The following SDCCAG8 variants were observed in gnomAD, a reference collection of about 807,000 sequenced individuals.
SDCCAG8 encodes serologically defined colon cancer antigen 8.
SDCCAG8 carries 74 observed loss-of-function variants against 101.8 expected under a neutral mutation model. That is an observed-to-expected ratio of 0.73 (90% CI 0.60 to 0.88). The LOEUF (loss-of-function observed/expected upper bound fraction) is 0.88, where lower values mean the gene tolerates loss of function less well. SDCCAG8 is among the 40% of genes least tolerant of loss of function. The pLI, the probability that SDCCAG8 is intolerant of heterozygous loss-of-function variation, is 0.00. For missense variants in SDCCAG8, 787 were observed against 822.6 expected, an observed-to-expected ratio of 0.96 and a Z score of 0.53; for synonymous variants, 281 against 292.9, an observed-to-expected ratio of 0.96 and a Z score of 0.41.
At chr1:243,327,154 T>C (rs753576520) in intron 9 of SDCCAG8, among the ~76,000 whole-genome samples, 96 of 152,162 alleles carry the variant, frequency 6.3e-4, no homozygotes, top group Non-Finnish European at 1.2e-3. Flanking sequence ...AGCCAGGACT[T>C]GGGAACTACT....
intron 5 of SDCCAG8, among the ~76,000 whole-genome samples, chr1:243,290,030 C>A (rs1038187852): frequency 1.3e-5 from 2 of 152,022 alleles, no homozygotes; most frequent in Non-Finnish European, 2.9e-5. Flanking sequence ...AATATTTCCT[C>A]ATGGAAAGCT....
intron 16 of SDCCAG8, among the ~76,000 whole-genome samples, chr1:243,430,539 G>A (rs1208929893): frequency 6.6e-6 from 1 of 152,030 alleles, no homozygotes; most frequent in Non-Finnish European, 1.5e-5. Context: ...CCGCCTCCCA[G>A]GTCCACGCAG....
chr1:243,426,676 G>A (rs1257314645), intron 16 of SDCCAG8, 118 bp downstream of exon 16: 1 of 1,227,282 alleles, frequency 8.1e-7, no homozygotes, highest in East Asian at 2.4e-5. Context: ...CTTGTGACAT[G>A]CTCAAAATCT....
At chr1:243,470,545 C>G (rs533298419) in intron 16 of SDCCAG8, among the ~76,000 whole-genome samples, 1 of 151,278 alleles carries the variant, frequency 6.6e-6, no homozygotes, top group South Asian at 2.1e-4. Context: ...GGAAGCAGCC[C>G]GTGCACTCAC....
chr1:243,317,821 A>G (rs1221173571), intron 9 of SDCCAG8, among the ~76,000 whole-genome samples: 4 of 152,240 alleles, frequency 2.6e-5, no homozygotes, highest in Non-Finnish European at 5.9e-5. Flanking sequence ...CTAGCATACA[A>G]TTCAAGTTCT....
At chr1:243,480,714 T>C (rs1663490794) in intron 16 of SDCCAG8, among the ~76,000 whole-genome samples, 1 of 90,320 alleles carries the variant, frequency 1.1e-5, no homozygotes, top group African/African-American at 4.5e-5. Flanking sequence ...GATGGATGGA[T>C]GGATGGGTGG....
At chr1:243,398,325 G>C (rs760242734) in intron 13 of SDCCAG8, among the ~76,000 whole-genome samples, 20 of 151,992 alleles carry the variant, frequency 1.3e-4, no homozygotes, top group Non-Finnish European at 2.4e-4. Context: ...AGAAGATGTT[G>C]ATTTACTCCT....
At chr1:243,483,014 C>T (rs934777860) in intron 16 of SDCCAG8, among the ~76,000 whole-genome samples, 9 of 152,164 alleles carry the variant, frequency 5.9e-5, no homozygotes, top group African/African-American at 2.2e-4. Context: ...ACCCCCTCGC[C>T]CCGTTCATGA....
intron 1 of SDCCAG8, among the ~76,000 whole-genome samples, chr1:243,257,792 A>G (rs973720732): frequency 6.6e-5 from 10 of 152,190 alleles, no homozygotes; most frequent in Non-Finnish European, 1.3e-4. Context: ...CAAAATAAGC[A>G]CTTCTAACTT....
intron 5 of SDCCAG8, among the ~76,000 whole-genome samples, chr1:243,291,159 A>G (rs1310777663): frequency 6.6e-6 from 1 of 152,204 alleles, no homozygotes; most frequent in Non-Finnish European, 1.5e-5. Context: ...GACTACTACC[A>G]TATCCTTTGG....
At chr1:243,438,183 G>T (rs2082276180) in intron 16 of SDCCAG8, among the ~76,000 whole-genome samples, 1 of 152,190 alleles carries the variant, frequency 6.6e-6, no homozygotes, top group Admixed American at 6.5e-5. Context: ...GGGGAGGAAG[G>T]CTGTGGAAAA....
chr1:243,338,033 G>A (rs1461869175), intron 10 of SDCCAG8, among the ~76,000 whole-genome samples: 2 of 151,972 alleles, frequency 1.3e-5, no homozygotes. Flanking sequence ...CAATCCCCCT[G>A]CCTCAGCCTC....
intron 13 of SDCCAG8, among the ~76,000 whole-genome samples, chr1:243,387,590 G>A (rs998315841): frequency 6.6e-6 from 1 of 152,188 alleles, no homozygotes; most frequent in Non-Finnish European, 1.5e-5. Context: ...TTTTGAAAGT[G>A]AGAAAAGGGT....
intron 17 of SDCCAG8, among the ~76,000 whole-genome samples, chr1:243,495,696 C>T (rs1667668577): frequency 6.6e-6 from 1 of 152,164 alleles, no homozygotes; most frequent in South Asian, 2.1e-4. Flanking sequence ...TCCCTTCTGA[C>T]AGGTGGGCGG....
intron 13 of SDCCAG8, among the ~76,000 whole-genome samples, chr1:243,414,241 T>C (rs934723243): frequency 1.3e-5 from 2 of 152,152 alleles, no homozygotes; most frequent in African/African-American, 4.8e-5. Context: ...TATGTATACA[T>C]CTTACAGGGG....
intron 10 of SDCCAG8, among the ~76,000 whole-genome samples, chr1:243,335,641 TTTTTAAC>T (rs2074948350): frequency 6.6e-6 from 1 of 152,200 alleles, no homozygotes; most frequent in South Asian, 2.1e-4. Context: ...TATTTATTTA[TTTTTAAC>T]TTTTAGATTC....
intron 13 of SDCCAG8, among the ~76,000 whole-genome samples, chr1:243,404,248 TA>T (rs2079600975): frequency 1.3e-5 from 2 of 152,248 alleles, no homozygotes; most frequent in South Asian, 2.1e-4. Flanking sequence ...TTGTGGAAAT[TA>T]GTTTGAAGAT....
At chr1:243,270,305 TTAAACTCCGTAGAATAA>T in intron 2 of SDCCAG8, 48 bp downstream of exon 2, 2 of 1,525,986 alleles carry the variant, frequency 1.3e-6, no homozygotes, top group African/African-American at 2.7e-5. Context: ...AGTGAATTTT[TTAAACTCCGTAGAATAA>T]TAACTCCATT....
chr1:243,402,186 A>T (rs1334129141), intron 13 of SDCCAG8, among the ~76,000 whole-genome samples: 1 of 152,102 alleles, frequency 6.6e-6, no homozygotes, highest in Non-Finnish European at 1.5e-5. Flanking sequence ...CCAACACTTT[A>T]GGAGGCCGAG....
Sources: gnomAD v4.1 joint callset for allele counts (sites outside exome capture counted in the v4.1 genomes callset) on GRCh38, gnomAD v4.1.1 for gene constraint, MANE v1.5 for transcripts, NCBI Gene and HGNC (gene_info 2026-07-23, HGNC 2026-07-21) for gene names.